HS6ST3: variants seen among roughly 807,000 people sequenced by gnomAD.
HS6ST3 encodes heparan sulfate 6-O-sulfotransferase 3.
In HS6ST3, 12 loss-of-function variants were observed where a neutral mutation model predicts 36.7. That is an observed-to-expected ratio of 0.33 (90% CI 0.21 to 0.53). The LOEUF (loss-of-function observed/expected upper bound fraction) is 0.53, where lower values mean the gene tolerates loss of function less well. Ranked by LOEUF, HS6ST3 falls within the 20% of genes least tolerant of loss-of-function variation. The pLI is 0.95. For synonymous variants in HS6ST3, 240 were observed against 257.5 expected, an observed-to-expected ratio of 0.93 and a Z score of 0.65; for missense variants, 584 against 640.9, an observed-to-expected ratio of 0.91 and a Z score of 0.96.
chr13:96,106,812 G>A (rs1010257092), intron 1 of HS6ST3, among the ~76,000 whole-genome samples: 2 of 152,158 alleles, frequency 1.3e-5, no homozygotes, highest in East Asian at 1.9e-4. Context: ...AAGGAATGTC[G>A]GAAATTTGAG....
intron 1 of HS6ST3, among the ~76,000 whole-genome samples, chr13:96,465,257 C>T (rs1275121395): frequency 6.6e-6 from 1 of 152,068 alleles, no homozygotes; most frequent in Non-Finnish European, 1.5e-5. Flanking sequence ...GTGGAATCCC[C>T]AGAGAACTTT....
At chr13:96,652,644 C>T (rs1468579676) in intron 1 of HS6ST3, among the ~76,000 whole-genome samples, 1 of 152,064 alleles carries the variant, frequency 6.6e-6, no homozygotes, top group African/African-American at 2.4e-5. Context: ...TACAGTGCAT[C>T]AGAACAAATT....
chr13:96,775,600 A>G (rs1218157147), intron 1 of HS6ST3, among the ~76,000 whole-genome samples: 1 of 152,082 alleles, frequency 6.6e-6, no homozygotes, highest in Non-Finnish European at 1.5e-5. Flanking sequence ...ACAAATAAAG[A>G]CATGACATAA....
intron 1 of HS6ST3, among the ~76,000 whole-genome samples, chr13:96,191,426 C>T (rs1194336599): frequency 1.3e-5 from 2 of 152,202 alleles, no homozygotes; most frequent in Non-Finnish European, 2.9e-5. Flanking sequence ...CACAGTCTCT[C>T]TCACTTTTAT....
chr13:96,479,819 G>A (rs1405351952), intron 1 of HS6ST3, among the ~76,000 whole-genome samples: 1 of 152,144 alleles, frequency 6.6e-6, no homozygotes, highest in Admixed American at 6.5e-5. Flanking sequence ...TACATGCTTA[G>A]CAATGCAGTT....
chr13:96,553,585 T>C (rs774623554), intron 1 of HS6ST3, among the ~76,000 whole-genome samples: 2 of 152,142 alleles, frequency 1.3e-5, no homozygotes, highest in South Asian at 2.1e-4. Flanking sequence ...GGTGTAGAGA[T>C]AGGAAAGCAT....
intron 1 of HS6ST3, among the ~76,000 whole-genome samples, chr13:96,629,515 G>T (rs945955628): frequency 7.9e-5 from 12 of 152,116 alleles, no homozygotes; most frequent in African/African-American, 2.9e-4. Context: ...TGTGGGTGTG[G>T]GATCCTAGGG....
intron 1 of HS6ST3, among the ~76,000 whole-genome samples, chr13:96,353,654 G>T (rs1250449320): frequency 1.3e-5 from 2 of 151,710 alleles, no homozygotes; most frequent in Non-Finnish European, 2.9e-5. Context: ...TGTATCATAA[G>T]TAATCAAAAG....
intron 1 of HS6ST3, among the ~76,000 whole-genome samples, chr13:96,665,538 G>T (rs1346708371): frequency 6.6e-6 from 1 of 152,178 alleles, no homozygotes; most frequent in East Asian, 1.9e-4. Context: ...AATTTTGAAG[G>T]ATGAATAGAG....
chr13:96,628,889 A>T (rs1267643376), intron 1 of HS6ST3, among the ~76,000 whole-genome samples: 1 of 151,980 alleles, frequency 6.6e-6, no homozygotes, highest in African/African-American at 2.4e-5. Context: ...GTACACATGA[A>T]CGAAATGTGA....
chr13:96,261,231 A>G (rs2054665032), intron 1 of HS6ST3, among the ~76,000 whole-genome samples: 1 of 151,398 alleles, frequency 6.6e-6, no homozygotes, highest in South Asian at 2.1e-4. Context: ...AATGGTTGTA[A>G]AGCTAATATA....
Position 96,765,588 on chromosome 13 carries a change from T to TTCTCTCTCTCTCTC in HS6ST3, c.708-66874_708-66861dup, listed in dbSNP as rs58979172. 1.3e-3 allele frequency among the ~76,000 whole-genome samples: 182 copies of TTCTCTCTCTCTCTC among 142,696 alleles called. 2 individuals are homozygous for TTCTCTCTCTCTCTC. Among genetic ancestry groups the TTCTCTCTCTCTCTC allele is most frequent in the African/African-American group, 2.7e-3 (104 of 38,982 alleles). 93.6% of individuals were successfully genotyped at this position (142,696 alleles called of 152,430 possible). On this transcript the variant is annotated intron_variant, in intron 1 of 1. Coordinates refer to ENST00000376705, the MANE Select transcript of HS6ST3 (RefSeq NM_153456.4). ...ACAGAGATGTATGCGCTCTCTCTCT[T>TTCTCTCTCTCTCTC]TCTCTCTCTCTCTCTCTCTCTCTCT...
Position 96,832,597 on chromosome 13 carries a change from A to G in HS6ST3, c.815A>G (p.Asp272Gly). 2 of 1,614,116 alleles carry G rather than the reference A, an allele frequency of 1.2e-6. No homozygotes were observed. Among genetic ancestry groups the G allele is most frequent in the Non-Finnish European group, 1.7e-6 (2 of 1,180,002 alleles). Residue 272 changes from aspartate to glycine, a missense_variant, in exon 2 of 2, where the codon GAT (aspartate) becomes GGT (glycine). This residue lies in a region of HS6ST3 where 360 missense variants were observed against 411.3 expected (regional missense o/e 0.88). Coordinates refer to ENST00000376705, the MANE Select transcript of HS6ST3 (RefSeq NM_153456.4). ...ATWKTSLHMC[D>G]GRSPTPDELP... ...TGGAAAACCTCTCTTCATATGTGTG[A>G]TGGAAGAAGCCCCACCCCAGATGAG...
intron 1 of HS6ST3, among the ~76,000 whole-genome samples, chr13:96,097,008 T>C (rs2053794489): frequency 6.6e-6 from 1 of 152,196 alleles, no homozygotes; most frequent in Non-Finnish European, 1.5e-5. Flanking sequence ...TACTGATTTG[T>C]TCATTACCGA....
intron 1 of HS6ST3, among the ~76,000 whole-genome samples, chr13:96,720,282 C>T (rs922669393): frequency 2.6e-5 from 4 of 152,154 alleles, no homozygotes; most frequent in African/African-American, 9.7e-5. Context: ...TGACCATCTT[C>T]TTCTTTTGTC....
chr13:96,158,828 C>G (rs973679384), intron 1 of HS6ST3, among the ~76,000 whole-genome samples: 10 of 151,636 alleles, frequency 6.6e-5, no homozygotes, highest in Non-Finnish European at 1.0e-4. Context: ...GAACTGAGAG[C>G]CCAGGAACCA....
At chr13:96,516,062 AC>A (rs1041034826) in intron 1 of HS6ST3, among the ~76,000 whole-genome samples, 1 of 149,192 alleles carries the variant, frequency 6.7e-6, no homozygotes, top group Admixed American at 6.7e-5. Flanking sequence ...AACAGCATTA[AC>A]TTTTTTTTTT....
intron 1 of HS6ST3, among the ~76,000 whole-genome samples, chr13:96,122,748 G>A (rs895435272): frequency 3.9e-5 from 6 of 152,088 alleles, no homozygotes; most frequent in African/African-American, 1.4e-4. Context: ...TCAGCGTTTC[G>A]AACTGGGGCT....
At chr13:96,766,638 A>T (rs575199266) in intron 1 of HS6ST3, among the ~76,000 whole-genome samples, 14 of 152,260 alleles carry the variant, frequency 9.2e-5, no homozygotes, top group Non-Finnish European at 2.9e-5. Flanking sequence ...TTCTCTGAGG[A>T]TAAGCTTCCT....
Sources: gnomAD v4.1 joint callset for allele counts (sites outside exome capture counted in the v4.1 genomes callset) on GRCh38, gnomAD v4.1.1 for gene constraint, gnomAD v4.1.1 regional missense constraint, MANE v1.5 for transcripts, NCBI Gene and HGNC (gene_info 2026-07-23, HGNC 2026-07-21) for gene names.